Variants in CD58 observed in about 807,000 individuals in gnomAD.
CD58 encodes CD58 molecule.
In CD58, 14 loss-of-function variants were observed where a neutral mutation model predicts 27.6. The ratio of observed to expected loss-of-function variants is 0.51; its 90% CI spans 0.34 to 0.79. The LOEUF (loss-of-function observed/expected upper bound fraction) is 0.79, where lower values mean the gene tolerates loss of function less well. Among genes scored for constraint, CD58 ranks in the 30% least tolerant of loss-of-function variants. CD58 has a pLI of 0.02. For synonymous variants in CD58, 117 were observed against 103.8 expected (o/e 1.13, Z -0.77); for missense variants, 268 against 301.7 (o/e 0.89, Z 0.83).
chr1:116,548,248 G>T (rs778228454), intron 1 of CD58, among the ~76,000 whole-genome samples: 8 of 152,190 alleles, frequency 5.3e-5, no homozygotes, highest in Non-Finnish European at 1.2e-4. Context: ...CCCACTTTGT[G>T]GGTTGTGTGT....
At chr1:116,553,319 C>A (rs537077426) in intron 1 of CD58, among the ~76,000 whole-genome samples, 8 of 151,730 alleles carry the variant, frequency 5.3e-5, no homozygotes, top group Non-Finnish European at 1.2e-4. Context: ...AAGTGTTTAT[C>A]TTTTCTGGCT....
At position 116,560,000 on chromosome 1, in the gene CD58, CTTG is replaced by C. The variant is rs1269888674; in HGVS notation, c.70+10900_70+10902del. ...TATTAAAAAGTGGAACATAAAATCT[CTTG>C]TTAATATTTTTTTGTAGTAACTACT... On this transcript the variant is annotated intron_variant, in intron 1 of 5. Transcript: ENST00000369489. The surrounding 1 kb of genome is among the most constrained non-coding windows in gnomAD (Gnocchi z 4.4). 1.3e-5 allele frequency: 2 copies of C among 153,914 alleles called. No individual in the cohort carries two copies. Among genetic ancestry groups the C allele is most frequent in the Non-Finnish European group, 2.9e-5 (2 of 68,008 alleles). The allele number at this position is 153,914 out of a possible 1,614,324, so 9.5% of individuals were successfully genotyped here.
At position 116,550,518 on chromosome 1, in the gene CD58, A is replaced by G. The variant is rs1658356304; in HGVS notation, c.71-5914T>C. 1.3e-5 allele frequency among the ~76,000 whole-genome samples: 2 copies of G among 152,056 alleles called. No individual in the cohort carries two copies. The highest frequency in any genetic ancestry group is 2.1e-4 in the South Asian group (1 of 4,824). ...AGTGACATATTCAGGCTCCACTTCT[A>G]TTTTTCTTGCTATTTCCACCCTTCA... On this transcript the variant is annotated intron_variant, in intron 1 of 5. Transcript: ENST00000369489. This position sits in a 1 kb window ranked among gnomAD's most constrained non-coding sequence, Gnocchi z 4.2.
rs1388030716 is a variant in CD58, at chr1:116,552,323, C to T, written c.71-7719G>A. On this transcript the variant is annotated intron_variant, in intron 1 of 5. Coordinates refer to ENST00000369489, the MANE Select transcript of CD58 (RefSeq NM_001779.3). The surrounding 1 kb of genome is among the most constrained non-coding windows in gnomAD (Gnocchi z 4.5). ...ACGCATGGTTCTTGGCATCCCAAAA[C>T]AATGACAACAGTAACATCAAAGATC... 2.6e-5 allele frequency among the ~76,000 whole-genome samples: 4 copies of T among 152,160 alleles called. No individual in the cohort carries two copies. The highest frequency in any genetic ancestry group is 5.9e-5 in the Non-Finnish European group (4 of 68,020).
intron 2 of CD58, among the ~76,000 whole-genome samples, chr1:116,543,501 C>T (rs895567708): frequency 1.3e-5 from 2 of 151,034 alleles, no homozygotes; most frequent in South Asian, 2.1e-4. Context: ...CTTAAAATGA[C>T]CAAGAAACAC....
rs539146782 is a variant in CD58, at chr1:116,559,647, G to T, written c.70+11256C>A. Among the ~76,000 whole-genome samples, 1 of 152,110 alleles carries T rather than the reference G, an allele frequency of 6.6e-6. No individual in the cohort carries two copies. The highest frequency in any genetic ancestry group is 6.5e-5 in the Admixed American group (1 of 15,290). On this transcript the variant is annotated intron_variant, in intron 1 of 5. Coordinates refer to ENST00000369489, the MANE Select transcript of CD58 (RefSeq NM_001779.3). This position sits in a 1 kb window ranked among gnomAD's most constrained non-coding sequence, Gnocchi z 4.4. Reference sequence around the variant, plus strand: ...TGTCTCCCAACGGTTACAAACCCTCGGTCCCCAAGGCCAGAGCAAGGTTCC... The same window carrying T: ...TGTCTCCCAACGGTTACAAACCCTCTGTCCCCAAGGCCAGAGCAAGGTTCC...
At chr1:116,540,937 G>A (rs1339011865) in intron 2 of CD58, among the ~76,000 whole-genome samples, 1 of 152,106 alleles carries the variant, frequency 6.6e-6, no homozygotes, top group Non-Finnish European at 1.5e-5. Flanking sequence ...AGCCTCTTGA[G>A]TAGCTGGGAC....
chr1:116,547,377 G>A (rs1658218570), intron 1 of CD58, among the ~76,000 whole-genome samples: 2 of 149,722 alleles, frequency 1.3e-5, no homozygotes, highest in Non-Finnish European at 3.0e-5. Flanking sequence ...CCAGGCTGGA[G>A]TGCAGTGGCG....
intron 5 of CD58, among the ~76,000 whole-genome samples, 160 bp from the exon 6 acceptor site, chr1:116,514,982 TTGAG>T (rs1253122618): frequency 1.3e-4 from 20 of 152,226 alleles, no homozygotes; most frequent in Admixed American, 3.9e-4. Flanking sequence ...AAGAACTGCC[TTGAG>T]TGCTCTTGGG....
intron 1 of CD58, among the ~76,000 whole-genome samples, chr1:116,544,903 G>C (rs1244844003): frequency 6.6e-6 from 1 of 152,180 alleles, no homozygotes; most frequent in Admixed American, 6.5e-5. Flanking sequence ...CAGGGAGCAG[G>C]CTCTACATCA....
chr1:116,549,749 A>T (rs1338356453), intron 1 of CD58, among the ~76,000 whole-genome samples: 1 of 152,246 alleles, frequency 6.6e-6, no homozygotes, highest in Non-Finnish European at 1.5e-5. Context: ...TTAACAAATC[A>T]GAATACATCT....
At position 116,557,055 on chromosome 1, in the gene CD58, G is replaced by A. The variant is rs571601808; in HGVS notation, c.71-12451C>T. On this transcript the variant is annotated intron_variant, in intron 1 of 5. Transcript: ENST00000369489. This position sits in a 1 kb window ranked among gnomAD's most constrained non-coding sequence, Gnocchi z 5.2. ...CTAGCCCTATCAGGACAAGGACAAA[G>A]GTGTTCCTGTTTTTGGCTGTATCCC... Among the ~76,000 whole-genome samples, 8 of 152,356 alleles carry A rather than the reference G, an allele frequency of 5.3e-5. 1 individual carries two copies. In the South Asian group the frequency reaches 1.7e-3, roughly 32 times the overall value.
At position 116,532,335 on chromosome 1, in the gene CD58, G is replaced by A. The variant is rs1289028148; in HGVS notation, c.628+3630C>T. 6.6e-6 allele frequency among the ~76,000 whole-genome samples: 1 copy of A among 152,204 alleles called. No individual in the cohort carries two copies. The highest frequency in any genetic ancestry group is 1.5e-5 in the Non-Finnish European group (1 of 68,040). On this transcript the variant is annotated intron_variant, in intron 3 of 5. Coordinates refer to ENST00000369489, the MANE Select transcript of CD58 (RefSeq NM_001779.3). The surrounding 1 kb of genome is among the most constrained non-coding windows in gnomAD (Gnocchi z 5.1). The stretch of plus-strand genomic sequence containing the variant: ...GTGACCCGTGGCAGCTCTCGCCTGA[G>A]CTGGTGTGCCACAACCCTGACCCAA...
Position 116,522,624 on chromosome 1 carries a change from T to A in CD58, c.629-641A>T, listed in dbSNP as rs1425068298. 6.6e-6 allele frequency among the ~76,000 whole-genome samples: 1 copy of A among 152,224 alleles called. No homozygotes were observed. The highest frequency in any genetic ancestry group is 1.5e-5 in the Non-Finnish European group (1 of 68,036). The stretch of plus-strand genomic sequence containing the variant: ...ACTACTTGCTATTTCACTGTTAACT[T>A]GACTCTGTAGAACTAATATGAATAA... On this transcript the variant is annotated intron_variant, in intron 3 of 5. Coordinates refer to ENST00000369489, the MANE Select transcript of CD58 (RefSeq NM_001779.3). This position sits in a 1 kb window ranked among gnomAD's most constrained non-coding sequence, Gnocchi z 4.6.
chr1:116,544,569 C>T lies in CD58; in HGVS notation c.106G>A (p.Val36Ile). The part of the protein sequence containing the change: ...ISCFSQQIYG[V>I]VYGNVTFHVP... ...TGGAAAGTTACATTCCCATACACAA[C>T]ACCATATATTTGTTGGGAAAAACAG... The change falls in exon 2 of 6, where the codon GTT (valine) becomes ATT (isoleucine). Residue 36 changes from valine (V) to isoleucine (I), a missense_variant. Coordinates refer to ENST00000369489, the MANE Select transcript of CD58 (RefSeq NM_001779.3). 6.2e-7 allele frequency: 1 copy of T among 1,604,086 alleles called. No individual in the cohort carries two copies. Among genetic ancestry groups the T allele is most frequent in the Non-Finnish European group, 8.5e-7 (1 of 1,175,492 alleles).
At position 116,564,373 on chromosome 1, in the gene CD58, T is replaced by C. The variant is rs138253991; in HGVS notation, c.70+6530A>G. ...TCCAAACTATTCCAATCCCTGCCTG[T>C]TACCCAGTTCCAAAGTTGCTTCCAC... On this transcript the variant is annotated intron_variant, in intron 1 of 5. Coordinates refer to ENST00000369489, the MANE Select transcript of CD58 (RefSeq NM_001779.3). Among the ~76,000 whole-genome samples the C allele has an allele frequency of 1.8e-3, 274 of 152,354 alleles. 1 individual carries two copies. Among genetic ancestry groups the C allele is most frequent in the African/African-American group, 6.3e-3 (263 of 41,586 alleles).
At chr1:116,518,947 T>C in intron 5 of CD58, 1 of 972,628 alleles carries the variant, frequency 1.0e-6, no homozygotes, top group Non-Finnish European at 1.4e-6. Flanking sequence ...CTCACTTGAC[T>C]TCTATGAATC....
intron 3 of CD58, among the ~76,000 whole-genome samples, chr1:116,525,100 C>T (rs913454925): frequency 6.6e-6 from 1 of 152,196 alleles, no homozygotes; most frequent in Non-Finnish European, 1.5e-5. Context: ...TTTACATTAG[C>T]ATTCAGTTGT....
Position 116,524,730 on chromosome 1 carries a change from C to T in CD58, c.629-2747G>A, listed in dbSNP as rs982090376. On this transcript the variant is annotated intron_variant, in intron 3 of 5. Coordinates refer to ENST00000369489, the MANE Select transcript of CD58 (RefSeq NM_001779.3). The surrounding 1 kb of genome is among the most constrained non-coding windows in gnomAD (Gnocchi z 4.6). ...AACCAAATACCAGCATTACTGCTAA[C>T]TACATAATTACTTAAAACATTACAA... Among the ~76,000 whole-genome samples the T allele has an allele frequency of 5.1e-4, 78 of 152,354 alleles. No homozygotes were observed. The highest frequency in any genetic ancestry group is 1.9e-3 in the African/African-American group (78 of 41,584).
Sources: allele counts gnomAD v4.1 joint callset (sites outside exome capture counted in the v4.1 genomes callset), GRCh38; gene constraint gnomAD v4.1.1; non-coding constraint Gnocchi (gnomAD v3.1); transcripts MANE v1.5; gene names NCBI Gene and HGNC (gene_info 2026-07-23, HGNC 2026-07-21).